APIP: variants seen among roughly 807,000 people sequenced by gnomAD.
APIP encodes APAF1 interacting protein.
APIP carries 32 observed loss-of-function variants against 32.0 expected under a neutral mutation model. That is an observed-to-expected ratio of 1.00 (90% CI 0.76 to 1.34). The LOEUF is 1.34. Ranked by LOEUF, APIP falls within the 40% of genes most tolerant of loss-of-function variation. APIP has a pLI of 0.00. For synonymous variants in APIP, 92 were observed against 94.8 expected, an observed-to-expected ratio of 0.97 and a Z score of 0.17; for missense variants, 247 against 298.6, an observed-to-expected ratio of 0.83 and a Z score of 1.27.
intron 1 of APIP, among the ~76,000 whole-genome samples, chr11:34,903,599 T>C (rs1356521599): frequency 6.6e-6 from 1 of 152,224 alleles, no homozygotes; most frequent in Non-Finnish European, 1.5e-5. Context: ...TAAATAGCAG[T>C]GATGCATTGC....
intron 1 of APIP, among the ~76,000 whole-genome samples, chr11:34,908,957 G>GT (rs57613004): frequency 0.19 from 28,765 of 152,078 alleles, 3,883 homozygotes; most frequent in African/African-American, 0.39. Flanking sequence ...AGTTTGAAAC[G>GT]TAAGATATGT....
At chr11:34,906,420 A>T (rs1853457483) in intron 1 of APIP, among the ~76,000 whole-genome samples, 1 of 152,220 alleles carries the variant, frequency 6.6e-6, no homozygotes, top group African/African-American at 2.4e-5. Flanking sequence ...GGGCATGCAC[A>T]TGACAATCCC....
chr11:34,891,567 G>C (rs752213541), intron 2 of APIP, among the ~76,000 whole-genome samples: 3 of 152,114 alleles, frequency 2.0e-5, no homozygotes, highest in Non-Finnish European at 2.9e-5. Context: ...ATACCAAGCT[G>C]CTGAAGTTCA....
At chr11:34,912,276 A>G (rs1174828782) in intron 1 of APIP, among the ~76,000 whole-genome samples, 4 of 152,242 alleles carry the variant, frequency 2.6e-5, no homozygotes, top group Admixed American at 2.6e-4. Flanking sequence ...AATGGGCTAC[A>G]GAGTGTTCAG....
rs1201994769 is a variant in APIP at position 34,902,711 on chromosome 11, A to G, written c.58-7601T>C. ...CTTTTAACCTGGGAACCTGAAGCTCAAAAGGCCTTCAACCAGCTAAAGCAA... is the reference window on the plus strand; with the variant it reads ...CTTTTAACCTGGGAACCTGAAGCTCGAAAGGCCTTCAACCAGCTAAAGCAA... On this transcript the variant is annotated intron_variant, in intron 1 of 6. Transcript: ENST00000395787. Among the ~76,000 whole-genome samples the G allele has an allele frequency of 2.6e-5, 4 of 152,328 alleles. No homozygotes were observed. In the East Asian group the frequency reaches 7.7e-4, roughly 29 times the overall value.
At chr11:34,895,882 A>T (rs934463541) in intron 1 of APIP, among the ~76,000 whole-genome samples, 4 of 152,164 alleles carry the variant, frequency 2.6e-5, no homozygotes, top group African/African-American at 9.7e-5. Flanking sequence ...TAAATAAATA[A>T]ATAAATGAAG....
chr11:34,894,467 C>CA (rs57079015), intron 2 of APIP, among the ~76,000 whole-genome samples: 1,163 of 86,158 alleles, frequency 0.013, 29 homozygotes, highest in African/African-American at 0.033. Flanking sequence ...CCAGTCTCTA[C>CA]AAAAAAAAAA....
intron 1 of APIP, among the ~76,000 whole-genome samples, chr11:34,910,005 C>A (rs779695416): frequency 6.4e-4 from 97 of 152,098 alleles, no homozygotes; most frequent in Non-Finnish European, 1.2e-3. Context: ...GTATGAGAGG[C>A]TTGACAAGAG....
In APIP at chr11:34,883,311, C is replaced by T. The variant is rs112184665; in HGVS notation, c.629+26G>A. On this transcript the variant is annotated intron_variant, in intron 6 of 6. Transcript: ENST00000395787. ...CACATTTAGCGGGTGGTAACTTGTT[C>T]CCCATGTTCTCTGATTTACACTCAC... 3.5e-3 allele frequency: 5,418 copies of T among 1,562,134 alleles called. 166 individuals are homozygous for T. In the African/African-American group the frequency reaches 0.066, roughly 19 times the overall value.
intron 1 of APIP, among the ~76,000 whole-genome samples, chr11:34,908,127 T>C (rs991995932): frequency 6.6e-6 from 1 of 152,198 alleles, no homozygotes; most frequent in Non-Finnish European, 1.5e-5. Flanking sequence ...ATTCAAAACA[T>C]ACATAATATA....
chr11:34,912,141 C>T (rs1441412995), intron 1 of APIP, among the ~76,000 whole-genome samples: 1 of 152,190 alleles, frequency 6.6e-6, no homozygotes, highest in East Asian at 1.9e-4. Context: ...AGATTATTGT[C>T]ATAAGCTGAG....
intron 1 of APIP, among the ~76,000 whole-genome samples, chr11:34,910,179 A>G (rs2133923559): frequency 6.6e-6 from 1 of 152,332 alleles, no homozygotes; most frequent in South Asian, 2.1e-4. Context: ...TCAGCTGCTC[A>G]ATGCCAGCCC....
At chr11:34,888,591 G>C (rs1164936289) in intron 4 of APIP, among the ~76,000 whole-genome samples, 161 bp downstream of exon 4, 1 of 152,156 alleles carries the variant, frequency 6.6e-6, no homozygotes, top group Non-Finnish European at 1.5e-5. Flanking sequence ...TGGAATAATG[G>C]ACCTTCCTCA....
rs866536568 is a variant in APIP, at chr11:34,911,351, A to C, written c.57+4877T>G. ...CTGTGATAGTTAAGGTAAAATTAAA[A>C]AAATAGAAGTAGTCCCTACCTGGTT... On this transcript the variant is annotated intron_variant, in intron 1 of 6. Transcript: ENST00000395787. Among the ~76,000 whole-genome samples the C allele has an allele frequency of 9.2e-5, 14 of 152,298 alleles. No homozygotes were observed. The Middle Eastern group carries it at 0.01, about 112-fold the overall frequency.
At chr11:34,896,017 G>A (rs895346122) in intron 1 of APIP, among the ~76,000 whole-genome samples, 2 of 152,124 alleles carry the variant, frequency 1.3e-5, no homozygotes, top group Non-Finnish European at 2.9e-5. Flanking sequence ...TGGCAAGAAA[G>A]TAAAGTTTCA....
chr11:34,906,965 G>C (rs1386728993), intron 1 of APIP, among the ~76,000 whole-genome samples: 2 of 152,172 alleles, frequency 1.3e-5, no homozygotes, highest in East Asian at 3.8e-4. Context: ...AAATGGTGCT[G>C]CAAACCGAAC....
At chr11:34,883,166 C>A (rs1852996550) in intron 6 of APIP, among the ~76,000 whole-genome samples, 171 bp downstream of exon 6, 1 of 152,054 alleles carries the variant, frequency 6.6e-6, no homozygotes, top group Non-Finnish European at 1.5e-5. Flanking sequence ...TAGAGCCTTG[C>A]CAAACAACAG....
At chr11:34,888,232 AT>A (rs1455381760) in intron 5 of APIP, 60 bp downstream of exon 5, 6 of 1,408,896 alleles carry the variant, frequency 4.3e-6, no homozygotes, top group Middle Eastern at 2.5e-4. Flanking sequence ...TCAGTATTCT[AT>A]TTATCAAAGA....
chr11:34,889,419 T>C (rs1186646978), intron 3 of APIP, among the ~76,000 whole-genome samples: 2 of 152,092 alleles, frequency 1.3e-5, no homozygotes, highest in East Asian at 1.9e-4. Context: ...GAAAGGTTAA[T>C]CTCAATAAGG....
Sources: allele counts gnomAD v4.1 joint callset (sites outside exome capture counted in the v4.1 genomes callset), GRCh38; gene constraint gnomAD v4.1.1; transcripts MANE v1.5; gene names NCBI Gene and HGNC (gene_info 2026-07-23, HGNC 2026-07-21).